UGT2A2: variants seen among roughly 807,000 people sequenced by gnomAD.
UGT2A2 encodes the protein UDP-glucuronosyltransferase 2A2.
In UGT2A2, 60 loss-of-function variants were observed where a neutral mutation model predicts 50.7. The ratio of observed to expected loss-of-function variants is 1.18; its 90% CI spans 0.96 to 1.47. The LOEUF is 1.47. UGT2A2 is among the 40% of genes most tolerant of loss of function. The pLI is 0.00. For synonymous variants in UGT2A2, 242 were observed against 214.6 expected (o/e 1.13, Z -1.11); for missense variants, 762 against 634.0 (o/e 1.20, Z -2.17).
At chr4:69,638,771 G>A (rs1251493754) in intron 1 of UGT2A2, 128 bp downstream of exon 1, 2 of 1,193,640 alleles carry the variant, frequency 1.7e-6, no homozygotes, top group Non-Finnish European at 2.3e-6. Context: ...GGAATTGTTT[G>A]TACAGAGATA....
rs528013013 is a variant in UGT2A2, at chr4:69,610,871, C to T, written c.743-11477G>A. On this transcript the variant is annotated intron_variant, in intron 1 of 5. Coordinates refer to ENST00000604629, the MANE Select transcript of UGT2A2 (RefSeq NM_001105677.2). ...TTCTTGTATTAGTTTGCTAGCACTG[C>T]TACAGCTACACACCACTGGTTAGGA... is the stretch of plus-strand genomic sequence containing the variant. Among the ~76,000 whole-genome samples, 93 of 152,286 alleles carry T rather than the reference C, an allele frequency of 6.1e-4. 1 individual carries two copies. The highest frequency in any genetic ancestry group is 1.0e-3 in the Admixed American group (16 of 15,284).
chr4:69,620,174 G>A (rs1302766892), intron 1 of UGT2A2, among the ~76,000 whole-genome samples: 2 of 151,944 alleles, frequency 1.3e-5, no homozygotes, highest in East Asian at 3.9e-4. Context: ...ATCCAAATAG[G>A]AAGAGAGAAA....
At chr4:69,610,161 A>G (rs1400407445) in intron 1 of UGT2A2, among the ~76,000 whole-genome samples, 2 of 152,154 alleles carry the variant, frequency 1.3e-5, no homozygotes, top group Non-Finnish European at 2.9e-5. Flanking sequence ...ATACATGCAT[A>G]TTTTAAAAGA....
intron 1 of UGT2A2, among the ~76,000 whole-genome samples, chr4:69,603,811 G>A (rs1346563404): frequency 1.5e-5 from 2 of 135,510 alleles, no homozygotes; most frequent in Admixed American, 7.3e-5. Flanking sequence ...GGAAGAAAGG[G>A]TATCAGTGAT....
intron 1 of UGT2A2, among the ~76,000 whole-genome samples, chr4:69,622,960 T>C (rs1720836006): frequency 6.6e-6 from 1 of 151,858 alleles, no homozygotes; most frequent in Non-Finnish European, 1.5e-5. Flanking sequence ...ACCCACTTGC[T>C]ATGGGTCATA....
intron 1 of UGT2A2, among the ~76,000 whole-genome samples, chr4:69,627,851 C>T (rs950652240): frequency 1.3e-5 from 2 of 151,568 alleles, no homozygotes; most frequent in Non-Finnish European, 2.9e-5. Flanking sequence ...ATGTCATAGA[C>T]AATATTACAG....
At chr4:69,595,020 T>G in intron 4 of UGT2A2, 142 bp downstream of exon 4, 1 of 1,210,724 alleles carries the variant, frequency 8.3e-7, no homozygotes, top group Non-Finnish European at 1.2e-6. Context: ...TAATGGCCAA[T>G]TATGTAATTA....
At chr4:69,590,020 G>T (rs1420138198) in intron 5 of UGT2A2, among the ~76,000 whole-genome samples, 1 of 152,164 alleles carries the variant, frequency 6.6e-6, no homozygotes, top group Non-Finnish European at 1.5e-5. Context: ...AATCATTTAA[G>T]ACATACATAA....
chr4:69,592,898 T>G (rs1236195179), intron 5 of UGT2A2, among the ~76,000 whole-genome samples: 2 of 152,048 alleles, frequency 1.3e-5, no homozygotes, highest in African/African-American at 4.8e-5. Context: ...TGAAGAAAAA[T>G]ATATAAAATA....
chr4:69,633,677 C>A (rs1721511131), intron 1 of UGT2A2, among the ~76,000 whole-genome samples: 1 of 152,008 alleles, frequency 6.6e-6, no homozygotes, highest in Non-Finnish European at 1.5e-5. Flanking sequence ...TAATATTAAT[C>A]AAAATAAGCA....
At chr4:69,610,680 C>G (rs1240877971) in intron 1 of UGT2A2, among the ~76,000 whole-genome samples, 3 of 151,962 alleles carry the variant, frequency 2.0e-5, no homozygotes, top group Admixed American at 6.6e-5. Flanking sequence ...TAGTGTCCTT[C>G]CAAGAAGAGG....
chr4:69,627,838 T>C (rs1401131657), intron 1 of UGT2A2, among the ~76,000 whole-genome samples: 1 of 151,922 alleles, frequency 6.6e-6, no homozygotes, highest in Admixed American at 6.6e-5. Flanking sequence ...AGAAAATTTA[T>C]AAATGTCATA....
At chr4:69,624,013 A>C (rs10021575) in intron 1 of UGT2A2, among the ~76,000 whole-genome samples, 53,174 of 151,310 alleles carry the variant, frequency 0.35, 9,700 homozygotes, top group African/African-American at 0.43. Flanking sequence ...TTTCCATGAA[A>C]AATATGAACT....
At chr4:69,599,543 G>T (rs1719136687) in intron 1 of UGT2A2, 149 bp from the exon 2 acceptor site, 4 of 1,128,780 alleles carry the variant, frequency 3.5e-6, no homozygotes, top group Non-Finnish European at 4.7e-6. Context: ...ATATTAAGAA[G>T]AAGGAGAAAT....
rs1221876275 is a variant in UGT2A2 at position 69,588,550 on chromosome 4, T to A, written c.*822A>T. 1 of 152,228 alleles carries A rather than the reference T, an allele frequency of 6.6e-6. No individual in the cohort carries two copies. The highest frequency in any genetic ancestry group is 6.5e-5 in the Admixed American group (1 of 15,272). 9.4% of individuals were successfully genotyped at this position (152,228 alleles called of 1,614,324 possible). ...ATGTTTTATGTAATTATTTGTACAG[T>A]TGACTAAAAATTTTATAAAAATGAT... On this transcript the variant is annotated 3_prime_UTR_variant, in exon 6 of 6. Coordinates refer to ENST00000604629, the MANE Select transcript of UGT2A2 (RefSeq NM_001105677.2).
chr4:69,594,474 T>C lies in UGT2A2; in HGVS notation c.1331+3A>G. On this transcript the variant is annotated splice_donor_region_variant and intron_variant, in intron 5 of 5. Transcript: ENST00000604629. Reference sequence around the variant, plus strand: ...GCAAGTTTTTAGGAGCCTTAGTACTTACGAAGGTTCATTAATGACTGTTCT... The same window carrying C: ...GCAAGTTTTTAGGAGCCTTAGTACTCACGAAGGTTCATTAATGACTGTTCT... 1 of 1,614,068 alleles carries C rather than the reference T, an allele frequency of 6.2e-7. No homozygotes were observed. Among genetic ancestry groups the C allele is most frequent in the Non-Finnish European group, 8.5e-7 (1 of 1,179,990 alleles).
chr4:69,625,367 T>G (rs1017195700), intron 1 of UGT2A2, among the ~76,000 whole-genome samples: 2 of 151,256 alleles, frequency 1.3e-5, no homozygotes, highest in African/African-American at 2.4e-5. Context: ...TTTATTTTAA[T>G]ATTTTTTTCT....
intron 1 of UGT2A2, among the ~76,000 whole-genome samples, chr4:69,615,511 T>C (rs1720326017): frequency 6.6e-6 from 1 of 151,844 alleles, no homozygotes; most frequent in African/African-American, 2.4e-5. Context: ...TATCAGCAGC[T>C]CAAACAATTC....
At chr4:69,598,754 T>C (rs181039875) in intron 2 of UGT2A2, among the ~76,000 whole-genome samples, 1 of 152,244 alleles carries the variant, frequency 6.6e-6, no homozygotes, top group East Asian at 1.9e-4. Flanking sequence ...ATGGCACAAC[T>C]GTCTAATAAA....
Sources: gnomAD v4.1 joint callset for allele counts (sites outside exome capture counted in the v4.1 genomes callset) on GRCh38, gnomAD v4.1.1 for gene constraint, MANE v1.5 for transcripts, NCBI Gene and HGNC (gene_info 2026-07-23, HGNC 2026-07-21) for gene names.